The following ABL1 variants were observed in gnomAD, a reference collection of about 807,000 sequenced individuals.
ABL1 encodes tyrosine-protein kinase ABL1.
In ABL1, 11 loss-of-function variants were observed where a neutral mutation model predicts 94.7. The observed-to-expected ratio is 0.12, with a 90% CI of 0.07 to 0.19. The LOEUF (loss-of-function observed/expected upper bound fraction) is 0.19, where lower values mean the gene tolerates loss of function less well. Ranked by LOEUF, ABL1 falls within the 10% of genes least tolerant of loss-of-function variation. The probability of loss-of-function intolerance (pLI) is 1.00; values close to 1 mark genes in which losing one functional copy is unlikely to be tolerated. For synonymous variants in ABL1, 656 were observed against 622.4 expected (o/e 1.05, Z -0.80); for missense variants, 1,082 against 1,489.4 (o/e 0.73, Z 4.50).
chr9:130,779,055 G>T (rs1829717827), intron 1 of ABL1, among the ~76,000 whole-genome samples: 1 of 152,220 alleles, frequency 6.6e-6, no homozygotes, highest in African/African-American at 2.4e-5. Context: ...GGATAAGTGA[G>T]ATTTAAATAT....
At chr9:130,800,970 GC>G (rs1193592622) in intron 1 of ABL1, among the ~76,000 whole-genome samples, 6 of 142,272 alleles carry the variant, frequency 4.2e-5, no homozygotes, top group Non-Finnish European at 9.0e-5. Context: ...TCTCTGTGTC[GC>G]CCAGGCTGGA....
At chr9:130,773,042 C>T (rs560540026) in intron 1 of ABL1, among the ~76,000 whole-genome samples, 11 of 152,192 alleles carry the variant, frequency 7.2e-5, no homozygotes, top group East Asian at 3.9e-4. Flanking sequence ...ATGAGCTGGC[C>T]GGGTGCAGCG....
intron 1 of ABL1, among the ~76,000 whole-genome samples, chr9:130,819,929 G>A (rs1437905510): frequency 6.6e-6 from 1 of 151,164 alleles, no homozygotes; most frequent in Non-Finnish European, 1.5e-5. Context: ...GGCATTCCTG[G>A]TATGGACATT....
At chr9:130,742,273 CT>C (rs1831829800) in intron 1 of ABL1, among the ~76,000 whole-genome samples, 1 of 152,174 alleles carries the variant, frequency 6.6e-6, no homozygotes, top group African/African-American at 2.4e-5. Flanking sequence ...GCACACGTAG[CT>C]TTTCGGTGAT....
At chr9:130,763,001 TCTC>T (rs1044039615) in intron 1 of ABL1, among the ~76,000 whole-genome samples, 1 of 151,918 alleles carries the variant, frequency 6.6e-6, no homozygotes, top group Non-Finnish European at 1.5e-5. Context: ...CCTAATAGCT[TCTC>T]CTTCCATGTC....
intron 1 of ABL1, among the ~76,000 whole-genome samples, chr9:130,782,776 A>C (rs1343236642): frequency 2.6e-5 from 4 of 152,212 alleles, no homozygotes; most frequent in Non-Finnish European, 5.9e-5. Context: ...CTTCGTGGGA[A>C]GTTGTGGAAT....
chr9:130,733,312 A>G (rs1831689882), intron 1 of ABL1, among the ~76,000 whole-genome samples: 1 of 152,234 alleles, frequency 6.6e-6, no homozygotes, highest in South Asian at 2.1e-4. Context: ...CTTGGTAGTG[A>G]ATAGATTCAG....
At chr9:130,793,922 C>T (rs975402985) in intron 1 of ABL1, among the ~76,000 whole-genome samples, 1 of 152,120 alleles carries the variant, frequency 6.6e-6, no homozygotes, top group Non-Finnish European at 1.5e-5. Flanking sequence ...ATCCAGGTTG[C>T]GTGCTCCTAG....
chr9:130,794,050 AATT>A (rs1449181753), intron 1 of ABL1, among the ~76,000 whole-genome samples: 10 of 152,116 alleles, frequency 6.6e-5, no homozygotes, highest in Non-Finnish European at 1.5e-5. Context: ...TGGGTTGTAT[AATT>A]ATTATATATT....
At position 130,880,769 on chromosome 9, in the gene ABL1, G is replaced by A. The variant is rs939919069; in HGVS notation, c.1678+105G>A. On this transcript the variant is annotated intron_variant, in intron 10 of 10. Transcript: ENST00000318560. The surrounding 1 kb of genome is among the most constrained non-coding windows in gnomAD (Gnocchi z 4.4). ...GGAAGCTGTGAATGGAGCCCGCACAGAAGGGCAGCCATGGCCTTTGTCAAT... is the reference window on the plus strand; with the variant it reads ...GGAAGCTGTGAATGGAGCCCGCACAAAAGGGCAGCCATGGCCTTTGTCAAT... The A allele has an allele frequency of 2.9e-6, 4 of 1,363,746 alleles. No homozygotes were observed. Among genetic ancestry groups the A allele is most frequent in the Non-Finnish European group, 3.9e-6 (4 of 1,013,876 alleles). The allele number at this position is 1,363,746 out of a possible 1,614,324, so 84.5% of individuals were successfully genotyped here.
chr9:130,787,924 CTCAGCTCTCTGATTAGCTCAAGAAAAG>C (rs1294781836), intron 1 of ABL1, among the ~76,000 whole-genome samples: 1 of 152,122 alleles, frequency 6.6e-6, no homozygotes, highest in Non-Finnish European at 1.5e-5. Context: ...GCCTTGTGGC[CTCAGCTCTCTGATTAGCTCAAGAAAAG>C]TTAGGATTTT....
chr9:130,801,118 CG>C (rs1830049344), intron 1 of ABL1, among the ~76,000 whole-genome samples: 4 of 151,902 alleles, frequency 2.6e-5, no homozygotes, highest in Admixed American at 2.6e-4. Context: ...TTAGTAGAGA[CG>C]GGGTTTCACC....
intron 1 of ABL1, among the ~76,000 whole-genome samples, chr9:130,817,195 C>G (rs975663910): frequency 3.9e-5 from 6 of 152,184 alleles, no homozygotes; most frequent in East Asian, 1.9e-4. Context: ...ACTTTCCTCC[C>G]CATCTAATTA....
chr9:130,758,840 A>C (rs1564281735), intron 1 of ABL1, among the ~76,000 whole-genome samples: 1 of 152,172 alleles, frequency 6.6e-6, no homozygotes, highest in Non-Finnish European at 1.5e-5. Context: ...CAGGCATTGC[A>C]GTTTTCGGTG....
chr9:130,795,682 T>G (rs776659655), intron 1 of ABL1, among the ~76,000 whole-genome samples: 4 of 152,158 alleles, frequency 2.6e-5, no homozygotes, highest in Non-Finnish European at 5.9e-5. Flanking sequence ...ACATGAACAA[T>G]TCTTAACAAA....
At position 130,728,369 on chromosome 9, in the gene ABL1, G is replaced by GT. The variant is rs55957334; in HGVS notation, c.136+13928dup. On this transcript the variant is annotated intron_variant, in intron 1 of 10. Transcript: ENST00000372348. ...AGGTGTGAGCCACTGTACCTGGCTG[G>GT]TTTTTTTTTTTTTTCTTTTCTTTCC... is the stretch of plus-strand genomic sequence containing the variant. Among the ~76,000 whole-genome samples, 373 of 135,734 alleles carry GT rather than the reference G, an allele frequency of 2.7e-3. 1 individual carries two copies. Among genetic ancestry groups the GT allele is most frequent in the South Asian group, 6.2e-3 (26 of 4,218 alleles). The allele number at this position is 135,734 out of a possible 152,430, so 89.0% of individuals were successfully genotyped here.
intron 3 of ABL1, among the ~76,000 whole-genome samples, chr9:130,855,616 A>T (rs1830961988): frequency 6.6e-6 from 1 of 152,164 alleles, no homozygotes; most frequent in Non-Finnish European, 1.5e-5. Context: ...ACCGGGATCA[A>T]ACCCACAGCT....
chr9:130,744,896 T>C (rs569973543), intron 1 of ABL1, among the ~76,000 whole-genome samples: 27 of 151,466 alleles, frequency 1.8e-4, no homozygotes, highest in Non-Finnish European at 1.9e-4. Flanking sequence ...TTCTCTCTGG[T>C]TTCTTTGCTG....
At chr9:130,833,477 T>C (rs562270970), upstream of ABL1, among the ~76,000 whole-genome samples, 3 of 152,290 alleles carry the variant, frequency 2.0e-5, no homozygotes, top group East Asian at 5.8e-4. Flanking sequence ...TCCAGCAGAA[T>C]GACAGCGCTT....
Sources: allele counts gnomAD v4.1 joint callset (sites outside exome capture counted in the v4.1 genomes callset), GRCh38; gene constraint gnomAD v4.1.1; non-coding constraint Gnocchi (gnomAD v3.1); transcripts MANE v1.5; gene names NCBI Gene and HGNC (gene_info 2026-07-23, HGNC 2026-07-21).